The following BMPR2 variants were observed in gnomAD, a reference collection of about 807,000 sequenced individuals.
BMPR2 encodes the protein bone morphogenetic protein receptor type 2.
BMPR2 carries 29 observed loss-of-function variants against 100.8 expected under a neutral mutation model. That is an observed-to-expected ratio of 0.29 (90% CI 0.21 to 0.39). The LOEUF (loss-of-function observed/expected upper bound fraction) is 0.39, where lower values mean the gene tolerates loss of function less well. Among genes scored for constraint, BMPR2 ranks in the 10% least tolerant of loss-of-function variants. The pLI is 1.00. For synonymous variants in BMPR2, 382 were observed against 442.3 expected (o/e 0.86, Z 1.71); for missense variants, 1,011 against 1,274.5 (o/e 0.79, Z 3.15).
At chr2:202,529,823 A>C (rs1351800349) in intron 7 of BMPR2, among the ~76,000 whole-genome samples, 1 of 152,194 alleles carries the variant, frequency 6.6e-6, no homozygotes, top group Non-Finnish European at 1.5e-5. Context: ...TATTTGTGCC[A>C]AAATACAAAT....
rs900769331 is a variant in BMPR2, at chr2:202,377,056, G to C, written c.-419G>C. Reference sequence around the variant, plus strand: ...CGTCCTTCCCGGCAGTCGGGAACTAGTTCTGACCCTCGCCCCCCGACCCCG... The same window carrying C: ...CGTCCTTCCCGGCAGTCGGGAACTACTTCTGACCCTCGCCCCCCGACCCCG... On this transcript the variant is annotated 5_prime_UTR_variant, in exon 1 of 13. An upstream open reading frame in the 5' UTR loses its in-frame stop. Coordinates refer to ENST00000374580, the MANE Select transcript of BMPR2 (RefSeq NM_001204.7). 9 of 525,930 alleles carry C rather than the reference G, an allele frequency of 1.7e-5. No homozygotes were observed. Among genetic ancestry groups the C allele is most frequent in the Non-Finnish European group, 3.0e-5 (9 of 300,690 alleles). The allele number at this position is 525,930 out of a possible 1,614,324, so 32.6% of individuals were successfully genotyped here.
At chr2:202,535,454 G>C (rs1302009437) in intron 9 of BMPR2, among the ~76,000 whole-genome samples, 1 of 150,226 alleles carries the variant, frequency 6.7e-6, no homozygotes, top group African/African-American at 2.5e-5. Flanking sequence ...ACGGGGCGGC[G>C]GGGCAGAGGC....
At chr2:202,507,416 A>G (rs1264452847) in intron 3 of BMPR2, among the ~76,000 whole-genome samples, 1 of 152,164 alleles carries the variant, frequency 6.6e-6, no homozygotes, top group East Asian at 1.9e-4. Flanking sequence ...TCGAGACAGC[A>G]TCTTGCTCTG....
chr2:202,496,173 A>G (rs1383049389), intron 3 of BMPR2, among the ~76,000 whole-genome samples: 1 of 152,216 alleles, frequency 6.6e-6, no homozygotes, highest in East Asian at 1.9e-4. Context: ...CATTATCCAG[A>G]AAAATTTAAC....
chr2:202,505,060 G>T, intron 3 of BMPR2: 1 of 174,986 alleles, frequency 5.7e-6, no homozygotes, highest in South Asian at 1.1e-4. Context: ...TTACACGTTT[G>T]GCATGGATAA....
intron 1 of BMPR2, among the ~76,000 whole-genome samples, chr2:202,432,501 G>A (rs1325691441): frequency 6.7e-6 from 1 of 150,156 alleles, no homozygotes; most frequent in African/African-American, 2.5e-5. Flanking sequence ...GCTGTAACAC[G>A]TCTTACCATA....
intron 3 of BMPR2, among the ~76,000 whole-genome samples, chr2:202,499,264 C>T (rs1693108400): frequency 6.6e-6 from 1 of 152,220 alleles, no homozygotes; most frequent in Non-Finnish European, 1.5e-5. Flanking sequence ...GGAGAGATGT[C>T]ATGCTACTGT....
intron 1 of BMPR2, among the ~76,000 whole-genome samples, chr2:202,452,608 C>A (rs370778047): frequency 6.6e-6 from 1 of 152,134 alleles, no homozygotes; most frequent in African/African-American, 2.4e-5. Context: ...CATAGCAAGA[C>A]CCTGTCTCTT....
At chr2:202,445,548 C>A (rs1310847998) in intron 1 of BMPR2, among the ~76,000 whole-genome samples, 2 of 149,542 alleles carry the variant, frequency 1.3e-5, no homozygotes, top group African/African-American at 2.5e-5. Flanking sequence ...TTTTGAGGAA[C>A]CTCCAAACCA....
intron 12 of BMPR2, 132 bp from the exon 13 acceptor site, chr2:202,559,564 C>A: frequency 1.0e-6 from 1 of 991,108 alleles, no homozygotes; most frequent in Non-Finnish European, 1.5e-6. Context: ...CATTGTCTGG[C>A]ATTATGAATT....
At chr2:202,420,642 G>A (rs1228484724) in intron 1 of BMPR2, among the ~76,000 whole-genome samples, 1 of 140,342 alleles carries the variant, frequency 7.1e-6, no homozygotes, top group African/African-American at 2.7e-5. Flanking sequence ...CACCTCCCGA[G>A]TTCAAGTGAT....
At chr2:202,429,500 CTTATCTATG>C (rs753825851) in intron 1 of BMPR2, among the ~76,000 whole-genome samples, 14 of 152,154 alleles carry the variant, frequency 9.2e-5, no homozygotes, top group Non-Finnish European at 1.3e-4. Context: ...TGAATCTTTA[CTTATCTATG>C]ACAGTTTAGC....
At chr2:202,452,863 A>G (rs959257049) in intron 1 of BMPR2, among the ~76,000 whole-genome samples, 1 of 152,176 alleles carries the variant, frequency 6.6e-6, no homozygotes, top group Non-Finnish European at 1.5e-5. Context: ...AATGTTATGG[A>G]AGTATGTGAT....
At chr2:202,442,555 C>G (rs1691770185) in intron 1 of BMPR2, among the ~76,000 whole-genome samples, 1 of 150,532 alleles carries the variant, frequency 6.6e-6, no homozygotes, top group Non-Finnish European at 1.5e-5. Context: ...ATCCCCCTAT[C>G]CTGCATGGCT....
chr2:202,476,194 A>C (rs192288428), intron 3 of BMPR2, among the ~76,000 whole-genome samples: 1 of 152,194 alleles, frequency 6.6e-6, no homozygotes, highest in Admixed American at 6.6e-5. Context: ...GCAGACTATG[A>C]AATAATTTCC....
intron 1 of BMPR2, among the ~76,000 whole-genome samples, chr2:202,407,182 A>T (rs953493809): frequency 6.6e-6 from 1 of 151,784 alleles, no homozygotes; most frequent in African/African-American, 2.4e-5. Context: ...ACCTCAAATG[A>T]TCCGCCTACC....
At chr2:202,515,115 T>G in intron 5 of BMPR2, 136 bp downstream of exon 5, 1 of 839,718 alleles carries the variant, frequency 1.2e-6, no homozygotes, top group Non-Finnish European at 2.0e-6. Flanking sequence ...TGTCAAGGCC[T>G]ATTCTAGGCA....
chr2:202,519,920 A>T (rs1687790366), intron 6 of BMPR2, among the ~76,000 whole-genome samples, 167 bp from the exon 7 acceptor site: 1 of 152,234 alleles, frequency 6.6e-6, no homozygotes, highest in Non-Finnish European at 1.5e-5. Flanking sequence ...CTCTACACAC[A>T]GAAATGTCAT....
chr2:202,469,187 C>T (rs995226828), intron 3 of BMPR2, among the ~76,000 whole-genome samples: 2 of 152,072 alleles, frequency 1.3e-5, no homozygotes, highest in African/African-American at 4.8e-5. Context: ...TGCCACCACG[C>T]CCGGCTAATT....
Sources: gnomAD v4.1 joint callset for allele counts (sites outside exome capture counted in the v4.1 genomes callset) on GRCh38, gnomAD v4.1.1 for gene constraint, MANE v1.5 for transcripts, NCBI Gene and HGNC (gene_info 2026-07-23, HGNC 2026-07-21) for gene names.